POLH: variants seen among roughly 807,000 people sequenced by gnomAD.
POLH encodes the protein DNA polymerase eta transcript.
In POLH, 53 loss-of-function variants were observed where a neutral mutation model predicts 73.6. That is an observed-to-expected ratio of 0.72 (90% CI 0.58 to 0.91). The LOEUF (loss-of-function observed/expected upper bound fraction) is 0.91. Among genes scored for constraint, POLH ranks in the 40% least tolerant of loss-of-function variants. The pLI is 0.00. For missense variants in POLH, 768 were observed against 865.4 expected, an observed-to-expected ratio of 0.89 and a Z score of 1.41; for synonymous variants, 292 against 308.5, an observed-to-expected ratio of 0.95 and a Z score of 0.56.
At chr6:43,607,133 T>C (rs1452316210) in intron 9 of POLH, among the ~76,000 whole-genome samples, 6 of 152,260 alleles carry the variant, frequency 3.9e-5, no homozygotes, top group Non-Finnish European at 8.8e-5. Context: ...TCTCGCTCTG[T>C]CACCAGGCCA....
intron 2 of POLH, among the ~76,000 whole-genome samples, chr6:43,582,671 C>A (rs1415385517): frequency 6.6e-6 from 1 of 152,050 alleles, no homozygotes; most frequent in Non-Finnish European, 1.5e-5. Flanking sequence ...TACAGGAGCG[C>A]CCCACCATGC....
chr6:43,588,842 CTT>C (rs1295537465), intron 4 of POLH: 5 of 144,956 alleles, frequency 3.4e-5, no homozygotes, highest in Non-Finnish European at 3.0e-5. Flanking sequence ...CATTCTTTTT[CTT>C]TTTTTTTTTT....
At chr6:43,596,356 G>A (rs995319661) in intron 4 of POLH, among the ~76,000 whole-genome samples, 2 of 152,026 alleles carry the variant, frequency 1.3e-5, no homozygotes, top group East Asian at 1.9e-4. Flanking sequence ...GGTGGCAGGC[G>A]CCTGTAGTCC....
chr6:43,617,623 TAA>T lies in POLH; in HGVS notation c.*3078_*3079del, dbSNP rs892929265. On this transcript the variant is annotated 3_prime_UTR_variant, in exon 11 of 11. Coordinates refer to ENST00000372236, the MANE Select transcript of POLH (RefSeq NM_006502.3). ...GTCTGGGCAACAGAGTGACACTGTTTAAAAAAAAAAAAATTCCCAATGTGGGC... is the reference window on the plus strand; with the variant it reads ...GTCTGGGCAACAGAGTGACACTGTTTAAAAAAAAAAATTCCCAATGTGGGC... 3.1e-4 allele frequency among the ~76,000 whole-genome samples: 44 copies of T among 141,248 alleles called. No individual in the cohort carries two copies. Among genetic ancestry groups the T allele is most frequent in the African/African-American group, 1.0e-3 (39 of 38,284 alleles). The allele number at this position is 141,248 out of a possible 152,430, so 92.7% of individuals were successfully genotyped here.
At chr6:43,600,567 A>G (rs575168694) in intron 5 of POLH, among the ~76,000 whole-genome samples, 7 of 152,344 alleles carry the variant, frequency 4.6e-5, no homozygotes, top group East Asian at 3.9e-4. Flanking sequence ...GGGACTCAAA[A>G]TGGACCAACT....
At position 43,613,740 on chromosome 6, in the gene POLH, G is replaced by T; in HGVS notation, c.1325G>T (p.Ser442Ile). 6.2e-7 allele frequency: 1 copy of T among 1,613,602 alleles called. No homozygotes were observed. Among genetic ancestry groups the T allele is most frequent in the Non-Finnish European group, 8.5e-7 (1 of 1,179,912 alleles). Residue 442 changes from serine (S) to isoleucine (I), a missense_variant, in exon 11 of 11, where the codon AGC becomes ATC. Coordinates refer to ENST00000372236, the MANE Select transcript of POLH (RefSeq NM_006502.3). ...SAPSSSTDIT[S>I]FLSSDPSSLP... ...CCTTCATCTTCTACAGACATCACCA[G>T]CTTCTTGAGCAGTGACCCAAGTTCT...
chr6:43,589,697 A>G (rs1393844067), intron 4 of POLH, among the ~76,000 whole-genome samples: 1 of 134,642 alleles, frequency 7.4e-6, no homozygotes, highest in Non-Finnish European at 1.6e-5. Context: ...TGCAGTGGCT[A>G]TCAGTCGCTA....
chr6:43,602,039 C>T, intron 6 of POLH, among the ~76,000 whole-genome samples: 1 of 152,138 alleles, frequency 6.6e-6, no homozygotes, highest in East Asian at 1.9e-4. Context: ...GCCTGGGTGA[C>T]AAGAGCAAGA....
intron 9 of POLH, among the ~76,000 whole-genome samples, chr6:43,609,676 T>C (rs1219537414): frequency 6.6e-6 from 1 of 152,198 alleles, no homozygotes; most frequent in Non-Finnish European, 1.5e-5. Flanking sequence ...CTTCTGGAAT[T>C]GGTGGCGAAT....
At chr6:43,611,772 A>C (rs1485558333) in intron 10 of POLH, among the ~76,000 whole-genome samples, 1 of 151,886 alleles carries the variant, frequency 6.6e-6, no homozygotes, top group Non-Finnish European at 1.5e-5. Context: ...CTTTGTTCAT[A>C]GGGCCGGGCG....
rs1767008778 is a variant in POLH at position 43,604,012 on chromosome 6, G to T, written c.884+1G>T. 1 of 1,611,972 alleles carries T rather than the reference G, an allele frequency of 6.2e-7. No homozygotes were observed. The highest frequency in any genetic ancestry group is 8.5e-7 in the Non-Finnish European group (1 of 1,178,132). ...AGAGTCATTTTGGGGAGAAGAATGG[G>T]TAAGTGATTCATTTTTTTTAAAATC... On this transcript the variant is annotated splice_donor_variant, in intron 7 of 10. Transcript: ENST00000372236. LOFTEE classifies it high-confidence loss of function.
chr6:43,592,556 T>C (rs1224657197), intron 4 of POLH, among the ~76,000 whole-genome samples: 1 of 151,942 alleles, frequency 6.6e-6, no homozygotes, highest in Admixed American at 6.6e-5. Flanking sequence ...GGACTACTGT[T>C]GGCCGCCACC....
chr6:43,587,338 C>T lies in POLH; in HGVS notation c.339C>T (p.Ser113=). 1.2e-6 allele frequency: 2 copies of T among 1,614,056 alleles called. No individual in the cohort carries two copies. Among genetic ancestry groups the T allele is most frequent in the Non-Finnish European group, 1.7e-6 (2 of 1,179,910 alleles). Residue 113 remains serine, a synonymous_variant, in exon 4 of 11, where the codon AGC becomes AGT. Transcript: ENST00000372236. Reference sequence around the variant, plus strand: ...GTTTTGCTGTGATTGAACGTGCCAGCATTGATGAGGCTTACGTAGATCTGA... The same window carrying T: ...GTTTTGCTGTGATTGAACGTGCCAGTATTGATGAGGCTTACGTAGATCTGA... The part of the protein sequence containing the change: ...MSRFAVIERA[S]IDEAYVDLTS...
intron 1 of POLH, among the ~76,000 whole-genome samples, chr6:43,581,417 G>GC (rs1212071255): frequency 2.3e-5 from 3 of 130,994 alleles, no homozygotes; most frequent in Admixed American, 7.1e-5. Context: ...AGACTGGGCA[G>GC]CCAGGCAGAG....
At chr6:43,580,857 C>A (rs1353875584) in intron 1 of POLH, among the ~76,000 whole-genome samples, 10 of 147,974 alleles carry the variant, frequency 6.8e-5, no homozygotes, top group South Asian at 2.1e-4. Context: ...AGGCGCCCCT[C>A]ACCTCCCAGA....
At chr6:43,592,063 A>G (rs1765516917) in intron 4 of POLH, among the ~76,000 whole-genome samples, 2 of 152,138 alleles carry the variant, frequency 1.3e-5, no homozygotes, top group African/African-American at 4.8e-5. Context: ...TGTCTGTTGC[A>G]TTAGTGTGTC....
At chr6:43,577,685 A>G (rs1763528196) in intron 1 of POLH, among the ~76,000 whole-genome samples, 1 of 151,990 alleles carries the variant, frequency 6.6e-6, no homozygotes, top group Non-Finnish European at 1.5e-5. Context: ...ACTCAACTGT[A>G]TAACCTGTGT....
At chr6:43,592,238 C>T (rs887738880) in intron 4 of POLH, among the ~76,000 whole-genome samples, 1 of 152,126 alleles carries the variant, frequency 6.6e-6, no homozygotes, top group Non-Finnish European at 1.5e-5. Context: ...GTGGATATAA[C>T]CTTCCAGAAA....
chr6:43,582,238 G>C (rs565654620), intron 1 of POLH, 78 bp from the exon 2 acceptor site: 1 of 1,346,062 alleles, frequency 7.4e-7, no homozygotes, highest in East Asian at 2.3e-5. Context: ...ACTCATCAGT[G>C]AAAGAATGGA....
Sources: gnomAD v4.1 joint callset for allele counts (sites outside exome capture counted in the v4.1 genomes callset) on GRCh38, gnomAD v4.1.1 for gene constraint, MANE v1.5 for transcripts, NCBI Gene and HGNC (gene_info 2026-07-23, HGNC 2026-07-21) for gene names.